The following WDPCP variants were observed in gnomAD, a reference collection of about 807,000 sequenced individuals.
WDPCP encodes the protein WD repeat containing planar cell polarity effector.
In WDPCP, 71 loss-of-function variants were observed where a neutral mutation model predicts 93.1. The observed-to-expected ratio is 0.76, with a 90% CI of 0.63 to 0.93. The LOEUF (loss-of-function observed/expected upper bound fraction) is 0.93. Among genes scored for constraint, WDPCP ranks in the 40% least tolerant of loss-of-function variants. WDPCP has a pLI of 0.00. For missense variants in WDPCP, 844 were observed against 887.4 expected, an observed-to-expected ratio of 0.95 and a Z score of 0.62; for synonymous variants, 315 against 315.0, an observed-to-expected ratio of 1.00 and a Z score of 0.00.
intron 9 of WDPCP, among the ~76,000 whole-genome samples, chr2:63,408,643 T>C (rs1163666895): frequency 6.6e-6 from 1 of 152,064 alleles, no homozygotes. Context: ...AGGAGGCAGG[T>C]AGCCTAGGGC....
In WDPCP at chr2:63,428,254, A is replaced by G. The variant is rs562556432; in HGVS notation, c.825+5491T>C. ...ATTCTACGAAGCCAGCATCATCCTG[A>G]TACCAAAATCTGGCAGAGACACAAC... On this transcript the variant is annotated intron_variant, in intron 9 of 17. Coordinates refer to ENST00000272321, the MANE Select transcript of WDPCP (RefSeq NM_015910.7). Among the ~76,000 whole-genome samples, 11 of 152,186 alleles carry G rather than the reference A, an allele frequency of 7.2e-5. No individual in the cohort carries two copies. The East Asian group carries it at 9.7e-4, about 13-fold the overall frequency.
chr2:63,750,407 G>C (rs1669862856), intron 2 of WDPCP, among the ~76,000 whole-genome samples: 1 of 151,732 alleles, frequency 6.6e-6, no homozygotes, highest in Admixed American at 6.6e-5. Context: ...CACAACCTTG[G>C]TAAAATAAAT....
At chr2:63,122,665 GAAGAT>G (rs1669625807) in intron 17 of WDPCP, among the ~76,000 whole-genome samples, 1 of 152,122 alleles carries the variant, frequency 6.6e-6, no homozygotes, top group African/African-American at 2.4e-5. Context: ...GATGATGTGT[GAAGAT>G]AAGACTAAAG....
intron 10 of WDPCP, among the ~76,000 whole-genome samples, chr2:63,384,545 T>A (rs1394645551): frequency 6.6e-6 from 1 of 151,970 alleles, no homozygotes; most frequent in African/African-American, 2.4e-5. Context: ...AAACACGACC[T>A]GCATGTTAAG....
At chr2:63,302,447 A>G (rs1220272941) in intron 13 of WDPCP, among the ~76,000 whole-genome samples, 3 of 152,170 alleles carry the variant, frequency 2.0e-5, no homozygotes, top group African/African-American at 7.2e-5. Context: ...TCCTTCTTTC[A>G]TGGTTTAAAA....
chr2:63,127,665 A>ATG (rs1670011085), intron 17 of WDPCP, among the ~76,000 whole-genome samples: 2 of 17,268 alleles, frequency 1.2e-4, no homozygotes, highest in Admixed American at 5.4e-4. Flanking sequence ...GTATGTGCAT[A>ATG]TATATATATA....
intron 1 of WDPCP, among the ~76,000 whole-genome samples, chr2:63,575,349 A>G (rs1287061573): frequency 3.6e-5 from 5 of 140,110 alleles, no homozygotes; most frequent in African/African-American, 1.3e-4. Context: ...TATACTGTAT[A>G]TGGTATATAC....
intron 1 of WDPCP, among the ~76,000 whole-genome samples, chr2:63,539,406 A>G (rs1704544543): frequency 6.6e-6 from 1 of 152,172 alleles, no homozygotes; most frequent in Non-Finnish European, 1.5e-5. Flanking sequence ...TGTTCCACAA[A>G]TGATGGTTAA....
At chr2:63,810,731 A>C (rs1042356158) in intron 2 of WDPCP, among the ~76,000 whole-genome samples, 5 of 152,218 alleles carry the variant, frequency 3.3e-5, no homozygotes, top group African/African-American at 1.2e-4. Context: ...ATAGGGAAGC[A>C]AGCATTAAAG....
At chr2:63,689,480 A>T (rs2103663841) in intron 2 of WDPCP, among the ~76,000 whole-genome samples, 1 of 152,254 alleles carries the variant, frequency 6.6e-6, no homozygotes, top group East Asian at 1.9e-4. Context: ...ATTGTGACGG[A>T]TAGTTCTTGA....
intron 13 of WDPCP, among the ~76,000 whole-genome samples, chr2:63,302,146 A>C (rs1341062832): frequency 6.6e-6 from 1 of 152,164 alleles, no homozygotes; most frequent in African/African-American, 2.4e-5. Flanking sequence ...TCAATTTTCT[A>C]ACGACTCTGA....
Position 63,549,585 on chromosome 2 carries a change from G to A in WDPCP, c.75+38612C>T, listed in dbSNP as rs181511062. 9.9e-5 allele frequency among the ~76,000 whole-genome samples: 15 copies of A among 152,204 alleles called. No homozygotes were observed. The East Asian group carries it at 2.5e-3, about 26-fold the overall frequency. On this transcript the variant is annotated intron_variant, in intron 1 of 17. Transcript: ENST00000272321. ...AGTTCAAGACCAGCCTGGCCAAGAT[G>A]GTGAAACCCCATCTCTACTGAAAAT...
intron 6 of WDPCP, among the ~76,000 whole-genome samples, chr2:63,467,805 C>T (rs1359110979): frequency 6.7e-6 from 1 of 149,018 alleles, no homozygotes; most frequent in Non-Finnish European, 1.5e-5. Context: ...AAAAAATTGC[C>T]CAAGGAAGAC....
At chr2:63,621,460 AGAC>A (rs1709736595) in intron 3 of WDPCP, among the ~76,000 whole-genome samples, 5 of 152,034 alleles carry the variant, frequency 3.3e-5, no homozygotes, top group African/African-American at 1.2e-4. Flanking sequence ...TAAAATGTGA[AGAC>A]AAGATTAGAG....
chr2:63,821,597 CA>C (rs1393978520), intron 1 of WDPCP, among the ~76,000 whole-genome samples: 1 of 151,970 alleles, frequency 6.6e-6, no homozygotes, highest in African/African-American at 2.4e-5. Context: ...TGTGTTTTGA[CA>C]ACAACTTCAG....
At chr2:63,188,889 C>T (rs1674831656) in intron 14 of WDPCP, among the ~76,000 whole-genome samples, 1 of 152,150 alleles carries the variant, frequency 6.6e-6, no homozygotes, top group African/African-American at 2.4e-5. Context: ...GGGATTTGAG[C>T]ATTTGAAGAA....
chr2:63,482,303 G>A (rs1256890664), intron 6 of WDPCP, among the ~76,000 whole-genome samples: 1 of 151,962 alleles, frequency 6.6e-6, no homozygotes, highest in African/African-American at 2.4e-5. Context: ...TTAAAAGACT[G>A]AGCGTCCAAA....
chr2:63,352,209 T>C (rs1342974494), intron 12 of WDPCP, among the ~76,000 whole-genome samples: 1 of 152,158 alleles, frequency 6.6e-6, no homozygotes, highest in Non-Finnish European at 1.5e-5. Flanking sequence ...TCATCTCCCA[T>C]TCTATAGATT....
Position 63,570,027 on chromosome 2 carries a change from C to A in WDPCP, c.75+18170G>T, listed in dbSNP as rs180679320. Among the ~76,000 whole-genome samples, 4 of 152,264 alleles carry A rather than the reference C, an allele frequency of 2.6e-5. No individual in the cohort carries two copies. The East Asian group carries it at 7.7e-4, about 29-fold the overall frequency. On this transcript the variant is annotated intron_variant, in intron 1 of 17. Coordinates refer to ENST00000272321, the MANE Select transcript of WDPCP (RefSeq NM_015910.7). ...CTTCTGTTAGTAGGGCCATTTTCAC[C>A]ACTTATCTCAATACTTATTCACTAA...
Sources: allele counts gnomAD v4.1 joint callset (sites outside exome capture counted in the v4.1 genomes callset), GRCh38; gene constraint gnomAD v4.1.1; transcripts MANE v1.5; gene names NCBI Gene and HGNC (gene_info 2026-07-23, HGNC 2026-07-21).